The following PEX14 variants were observed in gnomAD, a reference collection of about 807,000 sequenced individuals.
The protein encoded by PEX14 is peroxisomal membrane protein PEX14.
A neutral mutation model predicts 49.5 loss-of-function variants in PEX14; 15 were observed. The observed-to-expected ratio is 0.30, with a 90% CI of 0.20 to 0.47. The LOEUF (loss-of-function observed/expected upper bound fraction) is 0.47, where lower values mean the gene tolerates loss of function less well. PEX14 is among the 20% of genes least tolerant of loss of function. The pLI is 1.00. For missense variants in PEX14, 398 were observed against 494.8 expected (o/e 0.80, Z 1.86); for synonymous variants, 210 against 212.7 (o/e 0.99, Z 0.11).
At chr1:10,516,475 A>G (rs1641972276) in intron 2 of PEX14, among the ~76,000 whole-genome samples, 1 of 152,196 alleles carries the variant, frequency 6.6e-6, no homozygotes, top group African/African-American at 2.4e-5. Context: ...ACCTGTTTTC[A>G]TTATTGCCAG....
intron 3 of PEX14, among the ~76,000 whole-genome samples, chr1:10,568,872 T>A (rs538780987): frequency 2.6e-5 from 4 of 152,202 alleles, no homozygotes; most frequent in Admixed American, 6.5e-5. Flanking sequence ...CCCAAGTAGC[T>A]GGGATTACAG....
At chr1:10,569,942 A>G (rs1328230365) in intron 3 of PEX14, among the ~76,000 whole-genome samples, 1 of 151,946 alleles carries the variant, frequency 6.6e-6, no homozygotes. Flanking sequence ...TTTAATGTGA[A>G]ATCTTCTTGT....
rs965893178 is a variant in PEX14 at position 10,613,614 on chromosome 1, G to A, written c.299-4718G>A. On this transcript the variant is annotated intron_variant, in intron 4 of 8. Transcript: ENST00000356607. The surrounding 1 kb of genome is among the most constrained non-coding windows in gnomAD (Gnocchi z 5.0). ...ATGCCAGGGCTTTGGTACTGGTGAG[G>A]AACCCCTGCCACGCAGCTAGGGCGC... Among the ~76,000 whole-genome samples the A allele has an allele frequency of 6.6e-6, 1 of 152,192 alleles. No homozygotes were observed. The highest frequency in any genetic ancestry group is 2.4e-5 in the African/African-American group (1 of 41,452).
intron 3 of PEX14, among the ~76,000 whole-genome samples, chr1:10,551,386 A>G (rs1326364344): frequency 1.3e-5 from 2 of 152,178 alleles, no homozygotes; most frequent in Non-Finnish European, 2.9e-5. Context: ...ATCCATTCTC[A>G]GGAGTCGAAC....
At chr1:10,615,683 C>T (rs1641394091) in intron 4 of PEX14, among the ~76,000 whole-genome samples, 1 of 152,306 alleles carries the variant, frequency 6.6e-6, no homozygotes, top group Middle Eastern at 3.4e-3. Context: ...GGAGATGGCA[C>T]GTGTGCACGT....
At chr1:10,500,598 G>T (rs771114184) in intron 2 of PEX14, among the ~76,000 whole-genome samples, 11 of 151,420 alleles carry the variant, frequency 7.3e-5, no homozygotes, top group Non-Finnish European at 7.4e-5. Flanking sequence ...TTTTTGAAGC[G>T]GTGTCTCGCT....
intron 1 of PEX14, among the ~76,000 whole-genome samples, chr1:10,486,966 CG>C (rs903084281): frequency 2.4e-4 from 37 of 151,916 alleles, no homozygotes; most frequent in Non-Finnish European, 4.7e-4. Flanking sequence ...GGATTACAGG[CG>C]TGAGCCATTG....
At chr1:10,572,855 C>T (rs921165868) in intron 3 of PEX14, among the ~76,000 whole-genome samples, 10 of 152,068 alleles carry the variant, frequency 6.6e-5, no homozygotes, top group Middle Eastern at 3.2e-3. Flanking sequence ...TTCTAAGAAA[C>T]GTGTCATTAG....
intron 2 of PEX14, among the ~76,000 whole-genome samples, chr1:10,530,578 G>C (rs989861223): frequency 6.6e-6 from 1 of 152,200 alleles, no homozygotes; most frequent in Non-Finnish European, 1.5e-5. Flanking sequence ...CACTAGTCTG[G>C]TTTCGGGGAG....
chr1:10,578,210 G>A (rs1035335279), intron 3 of PEX14, among the ~76,000 whole-genome samples: 8 of 152,304 alleles, frequency 5.3e-5, no homozygotes, highest in African/African-American at 1.9e-4. Flanking sequence ...CAGGGGAAGT[G>A]CCACAGATTC....
intron 3 of PEX14, among the ~76,000 whole-genome samples, chr1:10,577,389 T>C: frequency 1.2e-5 from 1 of 84,234 alleles, no homozygotes. Context: ...AAAGTAATAC[T>C]CTGTCTCAAA....
At chr1:10,503,621 A>T in intron 2 of PEX14, among the ~76,000 whole-genome samples, 1 of 150,632 alleles carries the variant, frequency 6.6e-6, no homozygotes, top group South Asian at 2.2e-4. Context: ...TAGGTATTCC[A>T]TGCGGCAAAC....
At chr1:10,507,901 G>A (rs1641814761) in intron 2 of PEX14, among the ~76,000 whole-genome samples, 1 of 152,338 alleles carries the variant, frequency 6.6e-6, no homozygotes, top group Admixed American at 6.5e-5. Flanking sequence ...AGAGAATAGA[G>A]ATGTCTTTAA....
chr1:10,522,937 T>C (rs1291029716), intron 2 of PEX14, among the ~76,000 whole-genome samples: 1 of 152,230 alleles, frequency 6.6e-6, no homozygotes, highest in East Asian at 1.9e-4. Context: ...GTATTGTCAT[T>C]TTAGATGAAC....
intron 1 of PEX14, among the ~76,000 whole-genome samples, chr1:10,487,951 T>C (rs753123956): frequency 9.9e-5 from 15 of 151,800 alleles, no homozygotes; most frequent in Non-Finnish European, 1.8e-4. Flanking sequence ...TGGCTAATTT[T>C]TGTATTTTTA....
At chr1:10,540,746 C>T (rs1638978008) in intron 3 of PEX14, among the ~76,000 whole-genome samples, 2 of 152,162 alleles carry the variant, frequency 1.3e-5, no homozygotes, top group Admixed American at 1.3e-4. Context: ...CAGCAGATAG[C>T]TTGGGGGGAG....
chr1:10,539,170 G>A lies in PEX14; in HGVS notation c.169+2873G>A, dbSNP rs1239985851. Among the ~76,000 whole-genome samples, 2 of 152,132 alleles carry A rather than the reference G, an allele frequency of 1.3e-5. No individual in the cohort carries two copies. The highest frequency in any genetic ancestry group is 4.8e-5 in the African/African-American group (2 of 41,432). On this transcript the variant is annotated intron_variant, in intron 3 of 8. Transcript: ENST00000356607. The surrounding 1 kb of genome is among the most constrained non-coding windows in gnomAD (Gnocchi z 4.6). ...GTGTTACCGACTGGTTAAGTGTTGT[G>A]CTCTGTGACTTCTGGTGGGGGTGCT... is the stretch of plus-strand genomic sequence containing the variant.
intron 5 of PEX14, among the ~76,000 whole-genome samples, chr1:10,619,561 C>T (rs1481309341): frequency 1.3e-5 from 2 of 151,980 alleles, no homozygotes; most frequent in African/African-American, 4.8e-5. Flanking sequence ...GTGATCCGCC[C>T]ACCTCGGCCT....
intron 3 of PEX14, among the ~76,000 whole-genome samples, chr1:10,586,594 G>C (rs1266015029): frequency 1.4e-5 from 2 of 141,650 alleles, no homozygotes; most frequent in African/African-American, 5.1e-5. Context: ...AGGATGACTC[G>C]CAAGCATAAT....
Sources: gnomAD v4.1 joint callset for allele counts (sites outside exome capture counted in the v4.1 genomes callset) on GRCh38, gnomAD v4.1.1 for gene constraint, Gnocchi (gnomAD v3.1) non-coding constraint, MANE v1.5 for transcripts, NCBI Gene and HGNC (gene_info 2026-07-23, HGNC 2026-07-21) for gene names.